The following ARSB variants were observed in gnomAD, a reference collection of about 807,000 sequenced individuals.
ARSB encodes N-acetylgalactosamine-4-sulfatase.
A neutral mutation model predicts 50.9 loss-of-function variants in ARSB; 41 were observed. The ratio of observed to expected loss-of-function variants is 0.81; its 90% CI spans 0.63 to 1.04. The LOEUF is 1.04. Among genes scored for constraint, ARSB ranks in the 50% least tolerant of loss-of-function variants. The pLI is 0.00. For missense variants in ARSB, 672 were observed against 693.3 expected (o/e 0.97, Z 0.35); for synonymous variants, 269 against 284.8 (o/e 0.94, Z 0.56).
intron 5 of ARSB, among the ~76,000 whole-genome samples, chr5:78,881,037 G>A (rs1417417289): frequency 1.3e-5 from 2 of 152,126 alleles, no homozygotes; most frequent in Non-Finnish European, 2.9e-5. Flanking sequence ...TTCAAGACTG[G>A]TTGGACCAAC....
At position 78,942,225 on chromosome 5, in the gene ARSB, A is replaced by G. The variant is rs1251468734; in HGVS notation, c.898+13070T>C. Among the ~76,000 whole-genome samples, 14 of 152,130 alleles carry G rather than the reference A, an allele frequency of 9.2e-5. No individual in the cohort carries two copies. In the South Asian group the frequency reaches 1.7e-3, roughly 18 times the overall value. On this transcript the variant is annotated intron_variant, in intron 4 of 7. Transcript: ENST00000264914. ...TCTATCAATTTTGTTGATCTTTTCA[A>G]AAAACCAGCTCCTGGATTCATTGAT...
chr5:78,908,687 T>G (rs1014346449), intron 4 of ARSB, among the ~76,000 whole-genome samples: 60 of 151,312 alleles, frequency 4.0e-4, no homozygotes, highest in East Asian at 2.5e-3. Context: ...GGAGAGGAAC[T>G]GCAGATGAAA....
chr5:78,932,173 CTTTG>C (rs955792088), intron 4 of ARSB, among the ~76,000 whole-genome samples: 1 of 152,178 alleles, frequency 6.6e-6, no homozygotes, highest in African/African-American at 2.4e-5. Context: ...TCTAATAGCT[CTTTG>C]TTTTAGTTGG....
chr5:78,841,494 G>A (rs1288829281), intron 5 of ARSB, among the ~76,000 whole-genome samples: 2 of 152,104 alleles, frequency 1.3e-5, no homozygotes, highest in African/African-American at 4.8e-5. Context: ...AAACTTTTGT[G>A]TTAAATTTTT....
At chr5:78,923,492 C>T (rs935536929) in intron 4 of ARSB, among the ~76,000 whole-genome samples, 5 of 152,202 alleles carry the variant, frequency 3.3e-5, no homozygotes, top group African/African-American at 9.6e-5. Flanking sequence ...TGCATAGACG[C>T]GTCTACAAGA....
Position 78,780,616 on chromosome 5 carries a change from C to G in ARSB, c.1383G>C (p.Glu461Asp). The change falls in exon 8 of 8, where the codon GAG (glutamate) becomes GAC (aspartate). Residue 461 changes from glutamate to aspartate, a missense_variant. Physicochemically the swap from Glu to Asp is conservative, Grantham distance 45 (BLOSUM62 2). Transcript: ENST00000264914. ...FPPPSQYNVS[E>D]IPSSDPPTKT... The stretch of plus-strand genomic sequence containing the variant: ...TGGTTGGTGGGTCTGATGAGGGTAT[C>G]TCAGAAACATTGTATTGAGACGGTG... 6.2e-7 allele frequency: 1 copy of G among 1,614,096 alleles called. No individual in the cohort carries two copies.
intron 4 of ARSB, among the ~76,000 whole-genome samples, chr5:78,940,644 A>C (rs1364190819): frequency 6.6e-6 from 1 of 152,148 alleles, no homozygotes; most frequent in Non-Finnish European, 1.5e-5. Context: ...ATTGGTCTAT[A>C]TCTCTGTTTT....
At chr5:78,881,966 G>A (rs1013062444) in intron 5 of ARSB, among the ~76,000 whole-genome samples, 1 of 152,226 alleles carries the variant, frequency 6.6e-6, no homozygotes, top group African/African-American at 2.4e-5. Flanking sequence ...AGTATGGACA[G>A]CCATATAGAA....
chr5:78,962,963 C>T (rs2112509202), intron 3 of ARSB, among the ~76,000 whole-genome samples: 1 of 152,240 alleles, frequency 6.6e-6, no homozygotes, highest in East Asian at 1.9e-4. Context: ...GGTATGTAAA[C>T]CAGAATCCAC....
chr5:78,906,167 A>C (rs28469385), intron 4 of ARSB, among the ~76,000 whole-genome samples: 1 of 139,958 alleles, frequency 7.1e-6, no homozygotes, highest in South Asian at 2.3e-4. Context: ...AACATAAAAA[A>C]TTAAAAAAAA....
At chr5:78,941,632 C>T (rs2112435556) in intron 4 of ARSB, among the ~76,000 whole-genome samples, 1 of 152,210 alleles carries the variant, frequency 6.6e-6, no homozygotes, top group Non-Finnish European at 1.5e-5. Flanking sequence ...GGGATGAAGC[C>T]CACTTGATCA....
chr5:78,942,569 C>A (rs1048937599), intron 4 of ARSB, among the ~76,000 whole-genome samples: 3 of 152,124 alleles, frequency 2.0e-5, no homozygotes, highest in Admixed American at 6.6e-5. Flanking sequence ...GCGGGTTGTT[C>A]GGTTTCCATG....
At chr5:78,821,513 A>G (rs1436005766) in intron 6 of ARSB, among the ~76,000 whole-genome samples, 1 of 152,238 alleles carries the variant, frequency 6.6e-6, no homozygotes, top group Non-Finnish European at 1.5e-5. Flanking sequence ...AAAATTAGTA[A>G]ATGAATGGAA....
intron 6 of ARSB, among the ~76,000 whole-genome samples, chr5:78,812,319 C>T (rs946736252): frequency 6.6e-6 from 1 of 152,120 alleles, no homozygotes. Flanking sequence ...GCACAGCCCC[C>T]TAGCCCAAAA....
intron 6 of ARSB, among the ~76,000 whole-genome samples, chr5:78,825,065 G>A (rs934060422): frequency 6.6e-6 from 1 of 152,138 alleles, no homozygotes; most frequent in African/African-American, 2.4e-5. Flanking sequence ...TTAGCAGTTA[G>A]GAGAATTTAA....
Position 78,968,041 on chromosome 5 carries a change from T to A in ARSB, c.499+965A>T, listed in dbSNP as rs371056399. Among the ~76,000 whole-genome samples, 175 of 152,288 alleles carry A rather than the reference T, an allele frequency of 1.1e-3. 1 individual carries two copies. Among genetic ancestry groups the A allele is most frequent in the African/African-American group, 4.0e-3 (168 of 41,564 alleles). ...TTTAAAACAAACTCTAGGTTTCACA[T>A]TTAGTTTCATAGGGCTATCAAGTTT... is the stretch of plus-strand genomic sequence containing the variant. On this transcript the variant is annotated intron_variant, in intron 2 of 7. Coordinates refer to ENST00000264914, the MANE Select transcript of ARSB (RefSeq NM_000046.5).
chr5:78,803,738 T>C (rs1045506275), intron 6 of ARSB, among the ~76,000 whole-genome samples: 10 of 152,272 alleles, frequency 6.6e-5, no homozygotes, highest in Non-Finnish European at 7.3e-5. Flanking sequence ...ATGCAAGTGC[T>C]ATGAAGACCA....
chr5:78,904,756 C>T (rs1748967798), intron 4 of ARSB, among the ~76,000 whole-genome samples: 1 of 146,714 alleles, frequency 6.8e-6, no homozygotes, highest in African/African-American at 2.5e-5. Context: ...GGCGCTATCT[C>T]AGCTCACTGC....
At chr5:78,939,730 C>T (rs899224826) in intron 4 of ARSB, among the ~76,000 whole-genome samples, 87 of 152,146 alleles carry the variant, frequency 5.7e-4, no homozygotes, top group African/African-American at 2.0e-3. Context: ...TGAATAGTGC[C>T]GCAATAAACA....
Sources: gnomAD v4.1 joint callset for allele counts (sites outside exome capture counted in the v4.1 genomes callset) on GRCh38, gnomAD v4.1.1 for gene constraint, MANE v1.5 for transcripts, NCBI Gene and HGNC (gene_info 2026-07-23, HGNC 2026-07-21) for gene names.